The following PALLD variants were observed in gnomAD, a reference collection of about 807,000 sequenced individuals.
PALLD encodes palladin.
A neutral mutation model predicts 123.5 loss-of-function variants in PALLD; 61 were observed. The observed-to-expected ratio is 0.49, with a 90% CI of 0.40 to 0.61. PALLD has a LOEUF of 0.61. PALLD is among the 20% of genes least tolerant of loss of function. The probability of loss-of-function intolerance (pLI) is 0.00; values close to 1 mark genes in which losing one functional copy is unlikely to be tolerated. For synonymous variants in PALLD, 465 were observed against 496.4 expected (o/e 0.94, Z 0.84); for missense variants, 1,273 against 1,377.0 (o/e 0.92, Z 1.20).
chr4:168,626,766 T>A (rs973840072), intron 2 of PALLD, among the ~76,000 whole-genome samples: 3 of 151,130 alleles, frequency 2.0e-5, no homozygotes, highest in Non-Finnish European at 4.4e-5. Flanking sequence ...TGGAATATTA[T>A]TCAGCCTTAA....
At chr4:168,647,200 A>T (rs1777548433) in intron 2 of PALLD, among the ~76,000 whole-genome samples, 1 of 152,220 alleles carries the variant, frequency 6.6e-6, no homozygotes, top group South Asian at 2.1e-4. Context: ...GTCCTTAAAA[A>T]TGTAAAGATT....
chr4:168,612,403 T>C (rs927019735), intron 2 of PALLD, among the ~76,000 whole-genome samples: 5 of 152,114 alleles, frequency 3.3e-5, no homozygotes, highest in Non-Finnish European at 5.9e-5. Context: ...CCCAGAGACG[T>C]CTCCACAGTT....
At chr4:168,588,411 A>AT (rs56144115) in intron 2 of PALLD, among the ~76,000 whole-genome samples, 14,962 of 149,366 alleles carry the variant, frequency 0.1, 803 homozygotes, top group Admixed American at 0.13. Context: ...GATACTTTTT[A>AT]TTTTTTTTTT....
intron 2 of PALLD, among the ~76,000 whole-genome samples, chr4:168,526,203 C>T (rs113642482): frequency 5.3e-5 from 8 of 152,300 alleles, no homozygotes; most frequent in African/African-American, 1.4e-4. Flanking sequence ...CAATTCGGAA[C>T]GTACTATTTG....
rs1265582201 is a variant in PALLD at position 168,927,029 on chromosome 4, A to G, written c.*849A>G. 2 of 219,690 alleles carry G rather than the reference A, an allele frequency of 9.1e-6. No individual in the cohort carries two copies. The highest frequency in any genetic ancestry group is 4.5e-5 in the African/African-American group (2 of 44,586). 13.6% of individuals were successfully genotyped at this position (219,690 alleles called of 1,614,324 possible). A position where few individuals can be genotyped will look rare whatever the true frequency, so the allele number is the denominator to read the frequency against. ...TTTTTTCTTTATGTGTAGTGTTTTC[A>G]TGCTACCTTGGTAGGAAACTTATTT... is the stretch of plus-strand genomic sequence containing the variant. On this transcript the variant is annotated 3_prime_UTR_variant, in exon 22 of 22. Coordinates refer to ENST00000505667, the MANE Select transcript of PALLD (RefSeq NM_001166108.2).
intron 2 of PALLD, among the ~76,000 whole-genome samples, chr4:168,567,390 C>T (rs1174840828): frequency 1.3e-5 from 2 of 151,714 alleles, no homozygotes; most frequent in Non-Finnish European, 2.9e-5. Context: ...ACAGAAGACA[C>T]ACAAATGGCC....
intron 15 of PALLD, among the ~76,000 whole-genome samples, chr4:168,911,736 A>C (rs184993219): frequency 1.7e-3 from 262 of 152,322 alleles, no homozygotes; most frequent in African/African-American, 5.7e-3. Flanking sequence ...ATCTGTATCA[A>C]GTGGCCTGTG....
At chr4:168,800,584 C>CA (rs1419644663) in intron 10 of PALLD, among the ~76,000 whole-genome samples, 1 of 152,022 alleles carries the variant, frequency 6.6e-6, no homozygotes, top group Non-Finnish European at 1.5e-5. Context: ...ATTTAATTGG[C>CA]AAAAATTTAA....
At chr4:168,848,681 A>G (rs942530591) in intron 10 of PALLD, among the ~76,000 whole-genome samples, 3 of 152,224 alleles carry the variant, frequency 2.0e-5, no homozygotes, top group African/African-American at 4.8e-5. Context: ...CTAGTATTCT[A>G]TGCCTTAAAC....
At chr4:168,643,748 A>G (rs1777176671) in intron 2 of PALLD, among the ~76,000 whole-genome samples, 5 of 152,208 alleles carry the variant, frequency 3.3e-5, no homozygotes. Context: ...TTTCTCCTAA[A>G]GATCATCAGT....
intron 2 of PALLD, among the ~76,000 whole-genome samples, chr4:168,578,234 A>G (rs1561267215): frequency 6.6e-6 from 1 of 152,076 alleles, no homozygotes; most frequent in African/African-American, 2.4e-5. Context: ...AGCCCTTACA[A>G]AAGCATTTCC....
At chr4:168,885,066 G>A (rs551610532) in intron 10 of PALLD, among the ~76,000 whole-genome samples, 51 of 152,140 alleles carry the variant, frequency 3.4e-4, no homozygotes, top group Non-Finnish European at 5.0e-4. Context: ...AGGTTATCAC[G>A]TCTGTTTCTT....
At chr4:168,854,776 A>AT (rs1232087154) in intron 10 of PALLD, among the ~76,000 whole-genome samples, 2 of 152,160 alleles carry the variant, frequency 1.3e-5, no homozygotes, top group Non-Finnish European at 2.9e-5. Context: ...TGCCAGCTGA[A>AT]TTTTTTCCAC....
At chr4:168,797,180 C>T (rs1738630394) in intron 10 of PALLD, among the ~76,000 whole-genome samples, 1 of 151,576 alleles carries the variant, frequency 6.6e-6, no homozygotes, top group African/African-American at 2.4e-5. Flanking sequence ...TTGAGGGAGA[C>T]ACAGTTGGAT....
In PALLD at chr4:168,914,889, C is replaced by T. The variant is rs952140; in HGVS notation, c.2717+868C>T. Among the ~76,000 whole-genome samples the T allele has an allele frequency of 1.8e-4, 28 of 152,244 alleles. 1 individual carries two copies. In the South Asian group the frequency reaches 5.8e-3, roughly 32 times the overall value. ...TTTGTTCAACATTTGGAAGACAGTT[C>T]TGGCACCAGAGCATGTGTAGATTTA... On this transcript the variant is annotated intron_variant, in intron 16 of 21. Transcript: ENST00000505667.
At chr4:168,598,457 G>A in intron 2 of PALLD, 1 of 612,692 alleles carries the variant, frequency 1.6e-6, no homozygotes, top group Non-Finnish European at 3.2e-6. Context: ...TGCATGACTG[G>A]TAACTGCAAA....
chr4:168,523,458 T>A (rs2149461042), intron 2 of PALLD, among the ~76,000 whole-genome samples: 1 of 152,298 alleles, frequency 6.6e-6, no homozygotes, highest in East Asian at 1.9e-4. Flanking sequence ...AGATATACAG[T>A]TGTGGACATC....
At chr4:168,860,448 G>A (rs1236291564) in intron 10 of PALLD, among the ~76,000 whole-genome samples, 1 of 152,198 alleles carries the variant, frequency 6.6e-6, no homozygotes, top group Non-Finnish European at 1.5e-5. Context: ...AGAGAGATGG[G>A]AGTACTCTTC....
intron 10 of PALLD, among the ~76,000 whole-genome samples, chr4:168,767,179 A>T (rs1323727744): frequency 2.0e-5 from 3 of 152,102 alleles, no homozygotes; most frequent in African/African-American, 7.2e-5. Context: ...TCTGCCTTTC[A>T]TCTAGACCCT....
Sources: gnomAD v4.1 joint callset for allele counts (sites outside exome capture counted in the v4.1 genomes callset) on GRCh38, gnomAD v4.1.1 for gene constraint, MANE v1.5 for transcripts, NCBI Gene and HGNC (gene_info 2026-07-23, HGNC 2026-07-21) for gene names.